Variants in CNTNAP5 observed in about 807,000 individuals in gnomAD.
CNTNAP5 encodes contactin-associated protein-like 5.
In CNTNAP5, 72 loss-of-function variants were observed where a neutral mutation model predicts 150.2. The ratio of observed to expected loss-of-function variants is 0.48; its 90% confidence interval spans 0.40 to 0.58. CNTNAP5 has a LOEUF of 0.58. Ranked by LOEUF, CNTNAP5 falls within the 20% of genes least tolerant of loss-of-function variation. The pLI is 0.00. For synonymous variants in CNTNAP5, 672 were observed against 619.8 expected (o/e 1.08, Z -1.25); for missense variants, 1,636 against 1,626.2 (o/e 1.01, Z -0.10).
intron 6 of CNTNAP5, among the ~76,000 whole-genome samples, chr2:124,450,154 T>C (rs1281608941): frequency 6.6e-6 from 1 of 152,058 alleles, no homozygotes. Context: ...CATCACCAGC[T>C]AGAGGACAAC....
At chr2:124,505,241 A>G (rs1451027095) in intron 8 of CNTNAP5, among the ~76,000 whole-genome samples, 1 of 152,076 alleles carries the variant, frequency 6.6e-6, no homozygotes, top group Non-Finnish European at 1.5e-5. Flanking sequence ...TTACGGAAGG[A>G]AGTTACTATT....
At chr2:124,197,419 A>G (rs1335450118) in intron 1 of CNTNAP5, among the ~76,000 whole-genome samples, 1 of 152,214 alleles carries the variant, frequency 6.6e-6, no homozygotes, top group Admixed American at 6.5e-5. Flanking sequence ...GCATATAGCT[A>G]TAGTTTATTT....
chr2:124,843,386 G>A (rs185669966), intron 19 of CNTNAP5, among the ~76,000 whole-genome samples: 20 of 151,488 alleles, frequency 1.3e-4, no homozygotes, highest in Admixed American at 9.9e-4. Flanking sequence ...ACTTTTTATG[G>A]CTGAGTAATA....
intron 1 of CNTNAP5, among the ~76,000 whole-genome samples, chr2:124,168,438 C>T (rs2104659651): frequency 6.6e-6 from 1 of 152,300 alleles, no homozygotes; most frequent in Non-Finnish European, 1.5e-5. Flanking sequence ...CTCAATGTCC[C>T]TTCACCCAAA....
At chr2:124,655,998 A>AG (rs70996089) in intron 13 of CNTNAP5, among the ~76,000 whole-genome samples, 25,938 of 130,854 alleles carry the variant, frequency 0.2, 3,482 homozygotes, top group Non-Finnish European at 0.27. Flanking sequence ...AAAGAAAGAA[A>AG]AAAGGAAGGA....
At chr2:124,622,144 A>G (rs1054900553) in intron 12 of CNTNAP5, among the ~76,000 whole-genome samples, 2 of 147,848 alleles carry the variant, frequency 1.4e-5, no homozygotes, top group African/African-American at 5.0e-5. Context: ...GACAAGCTCC[A>G]GTGTGTGTTG....
rs1030499647 is a variant in CNTNAP5 at position 124,789,926 on chromosome 2, G to A, written c.2777G>A (p.Gly926Asp). The change falls in exon 18 of 24, where the codon GGC (glycine) becomes GAC (aspartate). Residue 926 changes from glycine (G) to aspartate (D), a missense_variant. Physicochemically the swap from Gly to Asp is moderately conservative, Grantham distance 94. Transcript: ENST00000682447. Reference protein sequence around the residue: ...FVGGTSSRQKGFLGCIRSLHL... With the variant: ...FVGGTSSRQKDFLGCIRSLHL... ...GGGGGAACGTCATCCAGACAGAAAG[G>A]CTTCCTAGGATGCATTCGCTCCTTA... The A allele has an allele frequency of 1.2e-6, 2 of 1,613,162 alleles. No homozygotes were observed. The highest frequency in any genetic ancestry group is 1.7e-6 in the Non-Finnish European group (2 of 1,179,422).
At chr2:124,580,992 G>A (rs1696398405) in intron 11 of CNTNAP5, among the ~76,000 whole-genome samples, 1 of 152,184 alleles carries the variant, frequency 6.6e-6, no homozygotes, top group Admixed American at 6.5e-5. Context: ...ATTGGAAGTA[G>A]AGGGAATGCC....
intron 8 of CNTNAP5, among the ~76,000 whole-genome samples, chr2:124,504,862 A>T (rs369217194): frequency 5.4e-4 from 82 of 151,932 alleles, no homozygotes; most frequent in African/African-American, 2.0e-3. Context: ...GCACACCACC[A>T]CATCCAGCTA....
At position 124,892,921 on chromosome 2, in the gene CNTNAP5, C is replaced by G. The variant is rs541647712; in HGVS notation, c.3437-9961C>G. On this transcript the variant is annotated intron_variant, in intron 21 of 23. Transcript: ENST00000682447. ...AGAAGAGCACAGTAAGCGATCATCA[C>G]GCATTATCACCTTATTAGGTTGCCA... Among the ~76,000 whole-genome samples the G allele has an allele frequency of 4.3e-4, 65 of 152,176 alleles. 1 individual carries two copies. The South Asian group carries it at 7.9e-3, about 18-fold the overall frequency.
At chr2:124,770,206 C>A (rs992806426) in intron 16 of CNTNAP5, among the ~76,000 whole-genome samples, 1 of 152,160 alleles carries the variant, frequency 6.6e-6, no homozygotes, top group Non-Finnish European at 1.5e-5. Context: ...AAAATGAGAA[C>A]TTCCTGTATA....
intron 3 of CNTNAP5, among the ~76,000 whole-genome samples, chr2:124,350,685 T>C (rs1573933739): frequency 6.6e-6 from 1 of 152,172 alleles, no homozygotes; most frequent in Non-Finnish European, 1.5e-5. Context: ...ATTTTATCTA[T>C]AATTTCTAAA....
At chr2:124,530,368 C>T (rs1002389847) in intron 10 of CNTNAP5, among the ~76,000 whole-genome samples, 1 of 152,076 alleles carries the variant, frequency 6.6e-6, no homozygotes, top group South Asian at 2.1e-4. Flanking sequence ...CTACCTGAGG[C>T]ACAAATGTTC....
chr2:124,204,759 A>G (rs1479286361), intron 1 of CNTNAP5, among the ~76,000 whole-genome samples: 1 of 152,052 alleles, frequency 6.6e-6, no homozygotes, highest in Non-Finnish European at 1.5e-5. Flanking sequence ...TGAGAGCAGC[A>G]CAGGAAAATC....
Position 124,786,516 on chromosome 2 carries a change from A to AAAGG in CNTNAP5, c.2753-3383_2753-3382insGAAG, listed in dbSNP as rs1463835934. ...GGAAGGGAGGGAAAGAAAAAGAAAG[A>AAAGG]AAGAAAGAGAAAGAAAGGAAAGAAA... On this transcript the variant is annotated intron_variant, in intron 17 of 23. Coordinates refer to ENST00000682447, the MANE Select transcript of CNTNAP5 (RefSeq NM_001367498.1). Among the ~76,000 whole-genome samples the AAAGG allele has an allele frequency of 3.9e-3, 579 of 148,180 alleles. 7 individuals are homozygous for AAAGG. Among genetic ancestry groups the AAAGG allele is most frequent in the Non-Finnish European group, 6.2e-3 (417 of 67,564 alleles).
At chr2:124,546,187 C>A (rs968149307) in intron 10 of CNTNAP5, among the ~76,000 whole-genome samples, 1 of 152,082 alleles carries the variant, frequency 6.6e-6, no homozygotes, top group Non-Finnish European at 1.5e-5. Flanking sequence ...AAAGACATTT[C>A]TTTATTGAAT....
intron 10 of CNTNAP5, among the ~76,000 whole-genome samples, chr2:124,546,617 GT>G (rs945648899): frequency 1.3e-5 from 2 of 152,178 alleles, no homozygotes; most frequent in African/African-American, 4.8e-5. Flanking sequence ...GTAGTTGGTA[GT>G]GTAGACAATG....
intron 13 of CNTNAP5, among the ~76,000 whole-genome samples, chr2:124,700,067 T>C (rs1679490574): frequency 6.6e-6 from 1 of 152,210 alleles, no homozygotes; most frequent in Admixed American, 6.5e-5. Context: ...CTTTCTGTCT[T>C]TATGGATTTG....
At chr2:124,146,362 A>T (rs1476653290) in intron 1 of CNTNAP5, among the ~76,000 whole-genome samples, 1 of 152,202 alleles carries the variant, frequency 6.6e-6, no homozygotes, top group East Asian at 1.9e-4. Flanking sequence ...AATATGAGAA[A>T]ATTTTCAAAT....
Sources: gnomAD v4.1 joint callset for allele counts (sites outside exome capture counted in the v4.1 genomes callset) on GRCh38, gnomAD v4.1.1 for gene constraint, MANE v1.5 for transcripts, NCBI Gene and HGNC (gene_info 2026-07-23, HGNC 2026-07-21) for gene names.